GRIK2: variants seen among roughly 807,000 people sequenced by gnomAD.
The protein encoded by GRIK2 is glutamate ionotropic receptor kainate type subunit 2.
GRIK2 carries 32 observed loss-of-function variants against 100.3 expected under a neutral mutation model. That is an observed-to-expected ratio of 0.32 (90% CI 0.24 to 0.43). GRIK2 has a LOEUF of 0.43. Ranked by LOEUF, GRIK2 falls within the 20% of genes least tolerant of loss-of-function variation. The pLI is 1.00. For synonymous variants in GRIK2, 417 were observed against 389.4 expected (o/e 1.07, Z -0.83); for missense variants, 843 against 1,114.9 (o/e 0.76, Z 3.47).
intron 10 of GRIK2, among the ~76,000 whole-genome samples, chr6:101,846,553 T>C (rs1306228258): frequency 6.6e-6 from 1 of 152,086 alleles, no homozygotes; most frequent in Non-Finnish European, 1.5e-5. Context: ...AGGTGTTCCC[T>C]CCTGTTTTAT....
At chr6:101,878,654 T>C (rs555236266) in intron 11 of GRIK2, among the ~76,000 whole-genome samples, 6 of 152,166 alleles carry the variant, frequency 3.9e-5, no homozygotes, top group Admixed American at 2.0e-4. Context: ...TTCTGACTTA[T>C]CACGCTTTCT....
At chr6:101,665,005 G>T (rs1026051273) in intron 4 of GRIK2, among the ~76,000 whole-genome samples, 3 of 152,154 alleles carry the variant, frequency 2.0e-5, no homozygotes, top group African/African-American at 7.2e-5. Flanking sequence ...TGGAGATCAG[G>T]AAAGCTACAA....
At chr6:101,670,532 A>G (rs1770356331) in intron 4 of GRIK2, among the ~76,000 whole-genome samples, 1 of 152,114 alleles carries the variant, frequency 6.6e-6, no homozygotes, top group Non-Finnish European at 1.5e-5. Context: ...TATCCTTAGG[A>G]TGAACTCTAC....
intron 10 of GRIK2, among the ~76,000 whole-genome samples, chr6:101,826,559 G>A (rs576968955): frequency 6.6e-6 from 1 of 152,108 alleles, no homozygotes; most frequent in African/African-American, 2.4e-5. Flanking sequence ...ATTCAGAGAT[G>A]AAATGCTGTT....
chr6:101,689,867 T>G (rs1771968142), intron 7 of GRIK2, among the ~76,000 whole-genome samples: 1 of 152,188 alleles, frequency 6.6e-6, no homozygotes, highest in African/African-American at 2.4e-5. Flanking sequence ...TCCCATCTTT[T>G]CATGCTCCTA....
chr6:101,438,543 G>T (rs776487828), intron 2 of GRIK2, among the ~76,000 whole-genome samples: 16 of 152,006 alleles, frequency 1.1e-4, no homozygotes, highest in Non-Finnish European at 2.9e-5. Flanking sequence ...TTCCAATACA[G>T]AGTCCTTTAG....
rs56951861 is a variant in GRIK2 at position 102,002,855 on chromosome 6, G to GAT, written c.2086-32476_2086-32475dup. Among the ~76,000 whole-genome samples, 324 of 150,290 alleles carry GAT rather than the reference G, an allele frequency of 2.2e-3. 1 individual carries two copies. Among genetic ancestry groups the GAT allele is most frequent in the African/African-American group, 7.4e-3 (307 of 41,288 alleles). ...AATATATAAAAAGGCTACATTTTTA[G>GAT]ATATATATATAGATTTATACTTGTT... On this transcript the variant is annotated intron_variant, in intron 14 of 16. Transcript: ENST00000369134.
chr6:101,574,206 A>C (rs1777687246), intron 2 of GRIK2, among the ~76,000 whole-genome samples: 1 of 150,426 alleles, frequency 6.6e-6, no homozygotes, highest in Non-Finnish European at 1.5e-5. Context: ...ATACAAAGCA[A>C]CTGAAAATTT....
intron 16 of GRIK2, 60 bp from the exon 17 acceptor site, chr6:102,068,287 T>C: frequency 8.1e-7 from 1 of 1,236,752 alleles, no homozygotes. Context: ...TTAATATTGA[T>C]CTTGGACAGT....
intron 7 of GRIK2, among the ~76,000 whole-genome samples, chr6:101,781,658 A>G (rs886459965): frequency 9.9e-5 from 15 of 152,234 alleles, no homozygotes; most frequent in Admixed American, 4.6e-4. Context: ...ATATGTGTGT[A>G]TGTATATTTA....
chr6:101,555,072 A>G (rs1462478029), intron 2 of GRIK2, among the ~76,000 whole-genome samples: 1 of 152,212 alleles, frequency 6.6e-6, no homozygotes, highest in Non-Finnish European at 1.5e-5. Flanking sequence ...GTAAAGTTGA[A>G]GGAAATATGC....
chr6:101,869,254 G>A (rs538336653), intron 11 of GRIK2, among the ~76,000 whole-genome samples: 5 of 151,910 alleles, frequency 3.3e-5, no homozygotes, highest in Admixed American at 1.3e-4. Flanking sequence ...GACAATTTGC[G>A]GAGGGAGAAT....
intron 2 of GRIK2, among the ~76,000 whole-genome samples, chr6:101,567,347 T>G (rs1038203570): frequency 2.6e-5 from 4 of 151,972 alleles, no homozygotes; most frequent in African/African-American, 9.7e-5. Flanking sequence ...TTGTTTCCAA[T>G]GCATCTTACA....
intron 15 of GRIK2, among the ~76,000 whole-genome samples, chr6:102,040,258 T>C (rs1770494668): frequency 6.6e-6 from 1 of 151,488 alleles, no homozygotes; most frequent in South Asian, 2.1e-4. Flanking sequence ...GTTATATACA[T>C]TTTCTCTCAT....
At chr6:101,769,944 G>A (rs1478922512) in intron 7 of GRIK2, among the ~76,000 whole-genome samples, 1 of 152,218 alleles carries the variant, frequency 6.6e-6, no homozygotes, top group Non-Finnish European at 1.5e-5. Context: ...AGGTTAGACA[G>A]GCAGTTGCTG....
intron 14 of GRIK2, among the ~76,000 whole-genome samples, chr6:102,020,988 T>C (rs564562288): frequency 2.0e-5 from 3 of 151,814 alleles, no homozygotes; most frequent in East Asian, 3.9e-4. Context: ...AAAAAGAAGT[T>C]GTTTTAAATT....
At chr6:102,022,067 A>C (rs1453072838) in intron 14 of GRIK2, among the ~76,000 whole-genome samples, 1 of 150,542 alleles carries the variant, frequency 6.6e-6, no homozygotes, top group East Asian at 1.9e-4. Context: ...TGGCTCTATG[A>C]AGCATAGTTC....
chr6:101,740,226 T>C (rs552583694), intron 7 of GRIK2, among the ~76,000 whole-genome samples: 1 of 152,292 alleles, frequency 6.6e-6, no homozygotes, highest in South Asian at 2.1e-4. Flanking sequence ...AAATCCCTGC[T>C]CTCTGCACTG....
intron 2 of GRIK2, among the ~76,000 whole-genome samples, chr6:101,485,915 CTT>C (rs67073947): frequency 1.7e-4 from 24 of 140,938 alleles, no homozygotes; most frequent in Admixed American, 2.1e-4. Flanking sequence ...CACCATTGCG[CTT>C]TTTTTTTTTT....
Sources: gnomAD v4.1 joint callset for allele counts (sites outside exome capture counted in the v4.1 genomes callset) on GRCh38, gnomAD v4.1.1 for gene constraint, MANE v1.5 for transcripts, NCBI Gene and HGNC (gene_info 2026-07-23, HGNC 2026-07-21) for gene names.